The following QTRT2 variants were observed in gnomAD, a reference collection of about 807,000 sequenced individuals.
The protein encoded by QTRT2 is queuine tRNA-ribosyltransferase accessory subunit 2.
In QTRT2, 32 loss-of-function variants were observed where a neutral mutation model predicts 44.8. That is an observed-to-expected ratio of 0.71 (90% CI 0.54 to 0.96). QTRT2 has a LOEUF of 0.96. Among genes scored for constraint, QTRT2 ranks in the 40% least tolerant of loss-of-function variants. QTRT2 has a pLI of 0.00. For missense variants in QTRT2, 461 were observed against 503.1 expected, an observed-to-expected ratio of 0.92 and a Z score of 0.80; for synonymous variants, 182 against 187.4, an observed-to-expected ratio of 0.97 and a Z score of 0.24.
intron 4 of QTRT2, 100 bp from the exon 5 acceptor site, chr3:114,067,886 TG>T: frequency 1.1e-6 from 1 of 909,252 alleles, no homozygotes; most frequent in Non-Finnish European, 1.8e-6. Context: ...TGTTTAGAGT[TG>T]CTTTATTCAG....
chr3:114,073,657 A>G (rs1052355027), intron 6 of QTRT2, among the ~76,000 whole-genome samples: 1 of 151,970 alleles, frequency 6.6e-6, no homozygotes, highest in Non-Finnish European at 1.5e-5. Flanking sequence ...GGGATTATAG[A>G]TGTGAGTCAC....
At chr3:114,072,467 A>G (rs768899547) in intron 6 of QTRT2, among the ~76,000 whole-genome samples, 6 of 152,180 alleles carry the variant, frequency 3.9e-5, no homozygotes, top group Non-Finnish European at 8.8e-5. Context: ...AGGGAATTCA[A>G]TTCATTCTTT....
chr3:114,066,105 TA>T, intron 3 of QTRT2, 122 bp from the exon 4 acceptor site: 1 of 649,512 alleles, frequency 1.5e-6, no homozygotes, highest in Non-Finnish European at 2.7e-6. Flanking sequence ...AATAATGGTG[TA>T]ATTCAAGACA....
chr3:114,060,545 TA>T (rs139166502), intron 2 of QTRT2, among the ~76,000 whole-genome samples: 24 of 142,374 alleles, frequency 1.7e-4, no homozygotes, highest in African/African-American at 6.0e-4. Context: ...GATAGATAGA[TA>T]AGATAGATTA....
At chr3:114,068,367 C>A (rs546180718) in intron 5 of QTRT2, 1 of 285,668 alleles carries the variant, frequency 3.5e-6, no homozygotes, top group Non-Finnish European at 6.9e-6. Context: ...GATAGTCTTT[C>A]GGCGCCATGC....
At chr3:114,067,485 A>G (rs757886823) in intron 4 of QTRT2, among the ~76,000 whole-genome samples, 2 of 152,224 alleles carry the variant, frequency 1.3e-5, no homozygotes, top group African/African-American at 4.8e-5. Context: ...TCGTGAATCA[A>G]TGAAACTTAC....
rs561710713 is a variant in QTRT2, at chr3:114,086,066, A to C, written c.*162A>C. On this transcript the variant is annotated 3_prime_UTR_variant, in exon 10 of 10. Transcript: ENST00000281273. ...GTACCAAACTGCCCACATGAGGGTGAAGAGATTTCCTCAAAAGACTTAAAT... is the reference window on the plus strand; with the variant it reads ...GTACCAAACTGCCCACATGAGGGTGCAGAGATTTCCTCAAAAGACTTAAAT... 1 of 619,104 alleles carries C rather than the reference A, an allele frequency of 1.6e-6. No individual in the cohort carries two copies. Among genetic ancestry groups the C allele is most frequent in the Admixed American group, 2.8e-5 (1 of 35,152 alleles). 38.4% of individuals were successfully genotyped at this position (619,104 alleles called of 1,614,324 possible).
chr3:114,058,277 C>CT (rs923439393), intron 2 of QTRT2, among the ~76,000 whole-genome samples: 14 of 151,956 alleles, frequency 9.2e-5, no homozygotes, highest in East Asian at 3.9e-4. Context: ...TTTTCTATTT[C>CT]TTTTTTTTGG....
intron 7 of QTRT2, chr3:114,078,527 C>G (rs532289701): frequency 1.1e-4 from 17 of 151,986 alleles, no homozygotes; most frequent in Admixed American, 3.9e-4. Flanking sequence ...CAGCAGCCAG[C>G]CAGCCCTGAT....
At chr3:114,075,425 A>G (rs1337748706) in intron 6 of QTRT2, among the ~76,000 whole-genome samples, 1 of 151,620 alleles carries the variant, frequency 6.6e-6, no homozygotes, top group African/African-American at 2.4e-5. Flanking sequence ...TTTATGCTGT[A>G]GATATTTAAA....
At position 114,065,354 on chromosome 3, in the gene QTRT2, T is replaced by C; in HGVS notation, c.97T>C (p.Cys33Arg). The C allele has an allele frequency of 3.7e-6, 6 of 1,614,166 alleles. No homozygotes were observed. The highest frequency in any genetic ancestry group is 5.1e-6 in the Non-Finnish European group (6 of 1,180,026). Residue 33 changes from cysteine (C) to arginine (R), a missense_variant, in exon 3 of 10, where the codon TGC becomes CGC. Physicochemically the swap from Cys to Arg is radical, Grantham distance 180. Transcript: ENST00000281273. ...TGDHTMDIPG[C>R]LLYTKTGSAP... ...GGACCACACCATGGATATTCCAGGC[T>C]GCCTTCTGTATACCAAGACTGGCTC...
intron 5 of QTRT2, chr3:114,068,422 T>C (rs2076982484): frequency 1.5e-5 from 4 of 268,528 alleles, no homozygotes; most frequent in Non-Finnish European, 3.0e-5. Context: ...GGAAAGTTGC[T>C]GATGAGTATT....
intron 2 of QTRT2, among the ~76,000 whole-genome samples, chr3:114,061,534 A>G (rs2076886607): frequency 6.6e-6 from 1 of 152,120 alleles, no homozygotes; most frequent in African/African-American, 2.4e-5. Flanking sequence ...AGGTTAAAGA[A>G]CTTGACAGCT....
chr3:114,077,034 A>G (rs2077101006), intron 7 of QTRT2, 92 bp downstream of exon 7: 1 of 1,192,530 alleles, frequency 8.4e-7, no homozygotes, highest in Non-Finnish European at 1.2e-6. Flanking sequence ...GTGCATAGGC[A>G]TGCCTTTGAT....
chr3:114,071,619 G>A (rs2077025402), intron 6 of QTRT2, among the ~76,000 whole-genome samples: 2 of 151,984 alleles, frequency 1.3e-5, no homozygotes, highest in Admixed American at 1.3e-4. Flanking sequence ...AGCTTTTCAA[G>A]ACTCCTTTTT....
In QTRT2 at chr3:114,086,024, TTAAA is replaced by T. The variant is rs748922926; in HGVS notation, c.*125_*128del. 3.7e-6 allele frequency: 3 copies of T among 810,112 alleles called. No individual in the cohort carries two copies. The highest frequency in any genetic ancestry group is 1.7e-5 in the South Asian group (1 of 59,234). The allele number at this position is 810,112 out of a possible 1,614,324, so 50.2% of individuals were successfully genotyped here. On this transcript the variant is annotated 3_prime_UTR_variant, in exon 10 of 10. Transcript: ENST00000281273. ...ATTTATATTTGGATATAAGGTCTGCTTAAATAAAGAATCTTTGTACCAAACTGCC... is the reference window on the plus strand; with the variant it reads ...ATTTATATTTGGATATAAGGTCTGCTTAAAGAATCTTTGTACCAAACTGCC...
At chr3:114,056,931 C>T in intron 1 of QTRT2, 67 bp downstream of exon 1, 4 of 1,518,400 alleles carry the variant, frequency 2.6e-6, no homozygotes, top group Non-Finnish European at 3.5e-6. Context: ...CGCGTCCAGA[C>T]GCTTCCTGGT....
chr3:114,080,111 A>T, intron 8 of QTRT2, 54 bp downstream of exon 8: 1 of 1,485,952 alleles, frequency 6.7e-7, no homozygotes, highest in Non-Finnish European at 9.0e-7. Context: ...TTTCCTGTTA[A>T]TTTTTGGCTT....
Position 114,074,695 on chromosome 3 carries a change from T to G in QTRT2, c.547-2048T>G, listed in dbSNP as rs147401770. ...CCTCCTCTCCATCCCTTTCTTCTAC[T>G]GGAGAGCCATTGTTGATTTGTGTAT... On this transcript the variant is annotated intron_variant, in intron 6 of 9. Transcript: ENST00000281273. Among the ~76,000 whole-genome samples the G allele has an allele frequency of 9.6e-4, 146 of 152,368 alleles. 4 individuals carry two copies. The East Asian group carries it at 0.016, about 16-fold the overall frequency.
Sources: allele counts gnomAD v4.1 joint callset (sites outside exome capture counted in the v4.1 genomes callset), GRCh38; gene constraint gnomAD v4.1.1; transcripts MANE v1.5; gene names NCBI Gene and HGNC (gene_info 2026-07-23, HGNC 2026-07-21).